Variants in PLXDC2 observed in about 807,000 individuals in gnomAD.
The protein encoded by PLXDC2 is plexin domain containing 2, also known as plexin domain-containing protein 2.
PLXDC2 carries 40 observed loss-of-function variants against 68.9 expected under a neutral mutation model. The ratio of observed to expected loss-of-function variants is 0.58; its 90% CI spans 0.45 to 0.76. The LOEUF (loss-of-function observed/expected upper bound fraction) is 0.76, where lower values mean the gene tolerates loss of function less well. Ranked by LOEUF, PLXDC2 falls within the 30% of genes least tolerant of loss-of-function variation. The probability of loss-of-function intolerance (pLI) is 0.00; values close to 1 mark genes in which losing one functional copy is unlikely to be tolerated. For synonymous variants in PLXDC2, 243 were observed against 234.2 expected (o/e 1.04, Z -0.34); for missense variants, 644 against 661.9 (o/e 0.97, Z 0.30).
intron 2 of PLXDC2, among the ~76,000 whole-genome samples, chr10:20,019,588 G>A (rs937842429): frequency 2.6e-5 from 4 of 152,256 alleles, no homozygotes; most frequent in East Asian, 1.9e-4. Context: ...TAATCTGATA[G>A]GATTGGTGGG....
At chr10:20,249,810 A>G (rs959721909) in intron 13 of PLXDC2, among the ~76,000 whole-genome samples, 2 of 152,264 alleles carry the variant, frequency 1.3e-5, no homozygotes, top group Non-Finnish European at 2.9e-5. Flanking sequence ...CACGCTTCCA[A>G]TTAAACTCTA....
At chr10:20,217,966 G>A (rs564782305) in intron 11 of PLXDC2, among the ~76,000 whole-genome samples, 1 of 152,078 alleles carries the variant, frequency 6.6e-6, no homozygotes, top group East Asian at 1.9e-4. Flanking sequence ...CGTTGATTCT[G>A]GATTCTGAAC....
intron 4 of PLXDC2, among the ~76,000 whole-genome samples, chr10:20,083,504 G>T (rs931544115): frequency 6.6e-6 from 1 of 151,294 alleles, no homozygotes; most frequent in Non-Finnish European, 1.5e-5. Context: ...ATTACTATGT[G>T]CATGTATTAC....
chr10:20,237,283 C>T (rs1835446038), intron 12 of PLXDC2, among the ~76,000 whole-genome samples: 1 of 152,016 alleles, frequency 6.6e-6, no homozygotes, highest in Non-Finnish European at 1.5e-5. Context: ...ATTAGGTACA[C>T]CTTGTATAAT....
At chr10:20,064,127 TC>T (rs1836153294) in intron 3 of PLXDC2, among the ~76,000 whole-genome samples, 2 of 152,110 alleles carry the variant, frequency 1.3e-5, no homozygotes, top group Non-Finnish European at 2.9e-5. Flanking sequence ...CTTTTTTTTT[TC>T]TTTCATGTTA....
chr10:20,171,977 A>T (rs1834452836), intron 7 of PLXDC2, among the ~76,000 whole-genome samples: 1 of 151,986 alleles, frequency 6.6e-6, no homozygotes, highest in African/African-American at 2.4e-5. Flanking sequence ...TGGGGATGAG[A>T]AATTACTTAT....
At chr10:20,145,235 G>C (rs953795464) in intron 5 of PLXDC2, among the ~76,000 whole-genome samples, 3 of 152,110 alleles carry the variant, frequency 2.0e-5, no homozygotes, top group Admixed American at 6.6e-5. Flanking sequence ...TATTCCATAG[G>C]AATCAAATAT....
At chr10:20,011,095 A>AT (rs1388446601) in intron 2 of PLXDC2, among the ~76,000 whole-genome samples, 3 of 152,182 alleles carry the variant, frequency 2.0e-5, no homozygotes, top group Admixed American at 6.5e-5. Context: ...AGGTCTAAAT[A>AT]TTTGTCTAGT....
chr10:20,224,703 C>T (rs1835263915), intron 12 of PLXDC2, among the ~76,000 whole-genome samples: 1 of 152,184 alleles, frequency 6.6e-6, no homozygotes, highest in South Asian at 2.1e-4. Context: ...TTATTTCAAG[C>T]TCTGAAATTC....
chr10:20,046,783 TA>T, intron 2 of PLXDC2, 85 bp from the exon 3 acceptor site: 1 of 1,348,250 alleles, frequency 7.4e-7, no homozygotes, highest in South Asian at 1.5e-5. Flanking sequence ...AAACTATTAA[TA>T]CTCTTGAGTT....
At chr10:19,978,513 G>T (rs756666222) in intron 1 of PLXDC2, among the ~76,000 whole-genome samples, 1 of 152,102 alleles carries the variant, frequency 6.6e-6, no homozygotes, top group Admixed American at 6.5e-5. Flanking sequence ...TGAAAAAGAA[G>T]ATCTTCAGGT....
intron 13 of PLXDC2, among the ~76,000 whole-genome samples, chr10:20,258,695 T>C (rs540964558): frequency 6.6e-6 from 1 of 152,212 alleles, no homozygotes; most frequent in East Asian, 1.9e-4. Context: ...GCAAATTTGT[T>C]TTCCTAACAT....
At chr10:20,200,150 A>AC (rs1041819562) in intron 9 of PLXDC2, among the ~76,000 whole-genome samples, 1 of 151,818 alleles carries the variant, frequency 6.6e-6, no homozygotes, top group Non-Finnish European at 1.5e-5. Context: ...ACAAAACAAA[A>AC]AAAATAGTAT....
chr10:19,869,486 G>GGA (rs1837492477), intron 1 of PLXDC2, among the ~76,000 whole-genome samples: 1 of 108,082 alleles, frequency 9.3e-6, no homozygotes, highest in Admixed American at 1.0e-4. Context: ...GGGGGAGAGG[G>GGA]TGGGAGGGAG....
At chr10:20,058,247 A>T (rs1229015135) in intron 3 of PLXDC2, among the ~76,000 whole-genome samples, 1 of 152,164 alleles carries the variant, frequency 6.6e-6, no homozygotes, top group Non-Finnish European at 1.5e-5. Flanking sequence ...GGTACCCATC[A>T]CATAGAGGAT....
At chr10:19,940,548 C>CAAA (rs10682522) in intron 1 of PLXDC2, among the ~76,000 whole-genome samples, 50 of 113,636 alleles carry the variant, frequency 4.4e-4, no homozygotes, top group African/African-American at 1.1e-3. Flanking sequence ...TTTGATTGTG[C>CAAA]AAAAAAAAAA....
At chr10:20,012,886 C>G (rs1835143391) in intron 2 of PLXDC2, among the ~76,000 whole-genome samples, 1 of 152,186 alleles carries the variant, frequency 6.6e-6, no homozygotes, top group South Asian at 2.1e-4. Flanking sequence ...AACAAAAGTA[C>G]TGAACTTGGC....
At chr10:20,017,249 T>C (rs1227308266) in intron 2 of PLXDC2, among the ~76,000 whole-genome samples, 1 of 152,064 alleles carries the variant, frequency 6.6e-6, no homozygotes, top group Non-Finnish European at 1.5e-5. Flanking sequence ...TCACAGTGCT[T>C]CTAGGGGGGC....
intron 1 of PLXDC2, among the ~76,000 whole-genome samples, chr10:19,907,758 A>G (rs1197309055): frequency 6.6e-6 from 1 of 152,152 alleles, no homozygotes; most frequent in African/African-American, 2.4e-5. Flanking sequence ...AAACCTGTCT[A>G]TTTCCTCGGT....
Sources: allele counts gnomAD v4.1 joint callset (sites outside exome capture counted in the v4.1 genomes callset), GRCh38; gene constraint gnomAD v4.1.1; transcripts MANE v1.5; gene names NCBI Gene and HGNC (gene_info 2026-07-23, HGNC 2026-07-21).